Variants in ARHGEF3 observed in about 807,000 individuals in gnomAD.
ARHGEF3 encodes 59.8 kDA protein.
Under a neutral mutation model 63.2 loss-of-function variants are expected in ARHGEF3, and 28 were observed. The observed-to-expected ratio is 0.44, with a 90% CI of 0.33 to 0.61. The LOEUF (loss-of-function observed/expected upper bound fraction) is 0.61, where lower values mean the gene tolerates loss of function less well. Among genes scored for constraint, ARHGEF3 ranks in the 20% least tolerant of loss-of-function variants. The pLI is 0.03. For synonymous variants in ARHGEF3, 266 were observed against 254.2 expected (o/e 1.05, Z -0.44); for missense variants, 533 against 659.3 (o/e 0.81, Z 2.10).
intron 2 of ARHGEF3, among the ~76,000 whole-genome samples, chr3:57,014,227 G>T (rs192051942): frequency 2.0e-5 from 3 of 152,180 alleles, no homozygotes; most frequent in Non-Finnish European, 4.4e-5. Flanking sequence ...CTGAATATCC[G>T]AAGGAACAAA....
In ARHGEF3 at chr3:56,889,797, C is replaced by T. The variant is rs368290987; in HGVS notation, c.130-7443G>A. Among the ~76,000 whole-genome samples, 137 of 152,314 alleles carry T rather than the reference C, an allele frequency of 9.0e-4. 3 individuals are homozygous for T. In the South Asian group the frequency reaches 0.025, roughly 28 times the overall value. On this transcript the variant is annotated intron_variant, in intron 3 of 12. Transcript: ENST00000338458. ...TGTTTCATGGCTGGGCGCAGTGGCT[C>T]ATGCTTGTAATCCCAGCACTTTGGG...
At chr3:56,861,734 T>C (rs2040078792) in intron 4 of ARHGEF3, among the ~76,000 whole-genome samples, 1 of 151,792 alleles carries the variant, frequency 6.6e-6, no homozygotes, top group Non-Finnish European at 1.5e-5. Context: ...GAGCAAAGAG[T>C]AGAGTCTGCC....
intron 2 of ARHGEF3, among the ~76,000 whole-genome samples, chr3:56,998,603 C>T (rs1043223719): frequency 1.3e-5 from 2 of 152,144 alleles, no homozygotes; most frequent in African/African-American, 4.8e-5. Context: ...AGCCCTCCTG[C>T]CCAGGGACTT....
At chr3:57,051,598 G>A (rs983325289) in intron 1 of ARHGEF3, among the ~76,000 whole-genome samples, 4 of 152,238 alleles carry the variant, frequency 2.6e-5, no homozygotes, top group Non-Finnish European at 5.9e-5. Context: ...CCTCATATGT[G>A]CAGGTACTGC....
chr3:56,822,684 C>T (rs1343252492), intron 4 of ARHGEF3, among the ~76,000 whole-genome samples: 1 of 152,058 alleles, frequency 6.6e-6, no homozygotes, highest in Non-Finnish European at 1.5e-5. Context: ...GAAACCCCAT[C>T]TGTACTAGAA....
intron 3 of ARHGEF3, among the ~76,000 whole-genome samples, chr3:56,892,848 A>C (rs1230227945): frequency 6.6e-6 from 1 of 152,236 alleles, no homozygotes; most frequent in Non-Finnish European, 1.5e-5. Context: ...CCATGGGTTC[A>C]TGAACAGTTC....
chr3:56,905,942 G>A (rs1249665006), intron 3 of ARHGEF3, among the ~76,000 whole-genome samples: 2 of 152,042 alleles, frequency 1.3e-5, no homozygotes, highest in Non-Finnish European at 2.9e-5. Flanking sequence ...TCAGCTCACT[G>A]CAACCTCAGC....
chr3:56,761,855 C>T (rs537025489), intron 2 of ARHGEF3, among the ~76,000 whole-genome samples: 32 of 152,224 alleles, frequency 2.1e-4, no homozygotes, highest in African/African-American at 7.5e-4. Context: ...CCTCCCTGCC[C>T]CAATATTTAA....
chr3:56,978,428 A>C (rs1457410346), intron 2 of ARHGEF3, among the ~76,000 whole-genome samples: 1 of 152,218 alleles, frequency 6.6e-6, no homozygotes, highest in African/African-American at 2.4e-5. Flanking sequence ...ATTTTAGTTT[A>C]TTTGAAAAAG....
At chr3:56,766,436 T>A (rs910800618) in intron 2 of ARHGEF3, among the ~76,000 whole-genome samples, 1 of 152,216 alleles carries the variant, frequency 6.6e-6, no homozygotes, top group African/African-American at 2.4e-5. Flanking sequence ...TTCAGCCCAG[T>A]TGAAGAAGAT....
chr3:56,768,811 T>TA (rs1223252143), intron 2 of ARHGEF3, among the ~76,000 whole-genome samples: 2 of 152,312 alleles, frequency 1.3e-5, no homozygotes, highest in Admixed American at 1.3e-4. Context: ...TTTGTGCACC[T>TA]AACTGCATAG....
intron 1 of ARHGEF3, among the ~76,000 whole-genome samples, chr3:57,064,309 T>TTTTTTCTTTCTTTC (rs1705403806): frequency 6.7e-6 from 1 of 148,936 alleles, no homozygotes; most frequent in Non-Finnish European, 1.5e-5. Flanking sequence ...AAATTCTTTC[T>TTTTTTCTTTCTTTC]TTTTTTTTTC....
At chr3:57,023,100 A>G (rs1405985771) in intron 2 of ARHGEF3, among the ~76,000 whole-genome samples, 1 of 152,180 alleles carries the variant, frequency 6.6e-6, no homozygotes, top group African/African-American at 2.4e-5. Context: ...CACTTCACAC[A>G]TCTGTTTATG....
intron 2 of ARHGEF3, among the ~76,000 whole-genome samples, chr3:56,977,046 C>T (rs557604693): frequency 2.6e-4 from 39 of 152,150 alleles, no homozygotes; most frequent in Admixed American, 1.2e-3. Context: ...TTAATCCTCA[C>T]AGGGGCCCTG....
chr3:56,767,629 A>G (rs1452254504), intron 2 of ARHGEF3, among the ~76,000 whole-genome samples: 1 of 151,898 alleles, frequency 6.6e-6, no homozygotes, highest in Non-Finnish European at 1.5e-5. Context: ...GTATAGTAAA[A>G]GGTAAGATTG....
intron 1 of ARHGEF3, among the ~76,000 whole-genome samples, chr3:57,037,775 T>C (rs1301183174): frequency 6.6e-6 from 1 of 152,164 alleles, no homozygotes; most frequent in Non-Finnish European, 1.5e-5. Context: ...CTCGGGAGGC[T>C]GAGGCAGGAG....
chr3:57,002,452 G>C (rs1397227893), intron 2 of ARHGEF3, among the ~76,000 whole-genome samples: 1 of 13,150 alleles, frequency 7.6e-5, no homozygotes, highest in Non-Finnish European at 2.0e-4. Context: ...GCCAGGCACT[G>C]TTCTAAGCAC....
chr3:56,734,300 G>A (rs903579248), intron 8 of ARHGEF3, among the ~76,000 whole-genome samples: 4 of 152,166 alleles, frequency 2.6e-5, no homozygotes, highest in Non-Finnish European at 4.4e-5. Flanking sequence ...ATTTGGGAAT[G>A]TCAATCCAGC....
intron 4 of ARHGEF3, among the ~76,000 whole-genome samples, chr3:56,858,797 G>A (rs1044798571): frequency 1.3e-5 from 2 of 152,220 alleles, no homozygotes; most frequent in African/African-American, 4.8e-5. Flanking sequence ...GCCAAGAGAT[G>A]GAGAGGGTGG....
Sources: allele counts gnomAD v4.1 joint callset (sites outside exome capture counted in the v4.1 genomes callset), GRCh38; gene constraint gnomAD v4.1.1; transcripts MANE v1.5; gene names NCBI Gene and HGNC (gene_info 2026-07-23, HGNC 2026-07-21).